The following CDC42EP4 variants were observed in gnomAD, a reference collection of about 807,000 sequenced individuals.
CDC42EP4 encodes the protein CDC42 effector protein (Rho GTPase binding) 4.
CDC42EP4 carries 6 observed loss-of-function variants against 5.6 expected under a neutral mutation model. The observed-to-expected ratio is 1.07, with a 90% CI of 0.59 to 2.12. The LOEUF is 2.12. Ranked by LOEUF, CDC42EP4 falls within the 30% of genes most tolerant of loss-of-function variation. The pLI, the probability that CDC42EP4 is intolerant of heterozygous loss-of-function variation, is 0.00. For synonymous variants in CDC42EP4, 230 were observed against 224.2 expected, an observed-to-expected ratio of 1.03 and a Z score of -0.23; for missense variants, 490 against 508.6, an observed-to-expected ratio of 0.96 and a Z score of 0.35.
intron 1 of CDC42EP4, among the ~76,000 whole-genome samples, chr17:73,291,452 T>C (rs1240966785): frequency 6.6e-6 from 1 of 152,134 alleles, no homozygotes; most frequent in African/African-American, 2.4e-5. Context: ...ACTCTGAGCT[T>C]CTAACAGAGA....
At chr17:73,308,168 C>T (rs1249157506) in intron 1 of CDC42EP4, among the ~76,000 whole-genome samples, 1 of 152,212 alleles carries the variant, frequency 6.6e-6, no homozygotes, top group African/African-American at 2.4e-5. Context: ...GCTTGGCCTT[C>T]CTAGAGCACC....
chr17:73,301,325 C>T (rs1427202151), intron 1 of CDC42EP4, among the ~76,000 whole-genome samples: 1 of 152,056 alleles, frequency 6.6e-6, no homozygotes, highest in African/African-American at 2.4e-5. Context: ...AGACATTTTC[C>T]CCCTTATTAC....
At chr17:73,295,716 A>T (rs955545107) in intron 1 of CDC42EP4, among the ~76,000 whole-genome samples, 5 of 151,964 alleles carry the variant, frequency 3.3e-5, no homozygotes, top group African/African-American at 1.2e-4. Context: ...CAGCCTGGCC[A>T]ACATGGTGAA....
intron 1 of CDC42EP4, among the ~76,000 whole-genome samples, chr17:73,287,240 A>C (rs1369102788): frequency 6.6e-6 from 1 of 152,146 alleles, no homozygotes; most frequent in Non-Finnish European, 1.5e-5. Context: ...GACCCACAGA[A>C]CCAGCTCCCC....
intron 1 of CDC42EP4, among the ~76,000 whole-genome samples, chr17:73,307,760 CTTTTTT>C (rs539543636): frequency 1.9e-5 from 2 of 107,182 alleles, no homozygotes; most frequent in Non-Finnish European, 1.8e-5. Context: ...GAATTTCTCT[CTTTTTT>C]TTTTTTTTTT....
At chr17:73,293,654 G>C (rs1204035562) in intron 1 of CDC42EP4, among the ~76,000 whole-genome samples, 1 of 152,194 alleles carries the variant, frequency 6.6e-6, no homozygotes, top group African/African-American at 2.4e-5. Context: ...TGTGCAAGAG[G>C]CTCACTGGGA....
chr17:73,300,290 C>CA (rs927217163), intron 1 of CDC42EP4, among the ~76,000 whole-genome samples: 8 of 152,288 alleles, frequency 5.3e-5, no homozygotes, highest in African/African-American at 1.9e-4. Flanking sequence ...GTCTTCCCCC[C>CA]ACCACCCCCA....
rs952480962 is a variant in CDC42EP4, at chr17:73,286,351, G to A, written c.150C>T (p.Thr50=). 3 of 1,614,160 alleles carry A rather than the reference G, an allele frequency of 1.9e-6. No individual in the cohort carries two copies. Among genetic ancestry groups the A allele is most frequent in the East Asian group, 2.2e-5 (1 of 44,876 alleles). ...VGRAGDAFGD[T]SFLNSKAGEP... ...CGCCAGCCTTGCTATTGAGGAAGGA[G>A]GTGTCCCCAAAGGCGTCTCCGGCCC... Residue 50 remains threonine (T), a synonymous_variant, in exon 2 of 2, where the codon ACC becomes ACT. Transcript: ENST00000335793. This position sits in a 1 kb window ranked among gnomAD's most constrained non-coding sequence, Gnocchi z 7.7.
chr17:73,306,374 C>T (rs1433444714), intron 1 of CDC42EP4, among the ~76,000 whole-genome samples: 3 of 151,576 alleles, frequency 2.0e-5, no homozygotes, highest in East Asian at 1.9e-4. Flanking sequence ...TGGCGGCACA[C>T]GTCTATAGTC....
rs1489372785 is a variant in CDC42EP4, at chr17:73,293,783, G to A, written c.-112-7171C>T. On this transcript the variant is annotated intron_variant, in intron 1 of 1. Transcript: ENST00000335793. ...AAAGATAGGAAAGCACAGGGAAGGC[G>A]GAAGACTGTGTTTCATTCAAACTGT... Among the ~76,000 whole-genome samples, 5 of 152,208 alleles carry A rather than the reference G, an allele frequency of 3.3e-5. No individual in the cohort carries two copies. The East Asian group carries it at 5.8e-4, about 18-fold the overall frequency.
In CDC42EP4 at chr17:73,285,597, G is replaced by A; in HGVS notation, c.904C>T (p.His302Tyr). 6.2e-7 allele frequency: 1 copy of A among 1,609,662 alleles called. No individual in the cohort carries two copies. The highest frequency in any genetic ancestry group is 8.5e-7 in the Non-Finnish European group (1 of 1,178,112). Residue 302 changes from histidine (H) to tyrosine (Y), a missense_variant, in exon 2 of 2, where the codon CAC becomes TAC. Physicochemically the swap from His to Tyr is moderately conservative, Grantham distance 83. Transcript: ENST00000335793. The surrounding 1 kb of genome is among the most constrained non-coding windows in gnomAD (Gnocchi z 6.8). ...AGGGAGCTGCTGTCCCGTGTGGTGT[G>A]GCTGCCCATGCTGCGGGCTGAGCCG... ...SPGSARSMGS[H>Y]TTRDSSSLSS...
chr17:73,298,794 A>G (rs2145319765), intron 1 of CDC42EP4, among the ~76,000 whole-genome samples: 1 of 152,266 alleles, frequency 6.6e-6, no homozygotes, highest in African/African-American at 2.4e-5. Context: ...GTTCTCATTC[A>G]CTGGGCTCCG....
At chr17:73,307,510 C>G (rs964947069) in intron 1 of CDC42EP4, among the ~76,000 whole-genome samples, 2 of 149,204 alleles carry the variant, frequency 1.3e-5, no homozygotes, top group South Asian at 4.2e-4. Context: ...TGCAGTGGCG[C>G]GATCTCGGCT....
At chr17:73,296,848 A>T (rs377405963) in intron 1 of CDC42EP4, among the ~76,000 whole-genome samples, 4 of 148,260 alleles carry the variant, frequency 2.7e-5, no homozygotes, top group African/African-American at 1.0e-4. Context: ...AGGCGCGGTG[A>T]GGGGGGCCTG....
intron 1 of CDC42EP4, among the ~76,000 whole-genome samples, chr17:73,290,644 G>A (rs1049995891): frequency 1.3e-5 from 2 of 152,222 alleles, no homozygotes; most frequent in Non-Finnish European, 2.9e-5. Context: ...AGCCTTGAGT[G>A]AGAACACACA....
At chr17:73,309,413 C>T (rs1473447789) in intron 1 of CDC42EP4, among the ~76,000 whole-genome samples, 1 of 151,952 alleles carries the variant, frequency 6.6e-6, no homozygotes, top group Non-Finnish European at 1.5e-5. Context: ...ATTCCTCTCC[C>T]AGGTCAACAC....
chr17:73,303,149 G>C (rs1480255162), intron 1 of CDC42EP4, among the ~76,000 whole-genome samples: 2 of 150,074 alleles, frequency 1.3e-5, no homozygotes, highest in East Asian at 3.9e-4. Flanking sequence ...TTCGAGACCA[G>C]CCTGACCAAC....
At chr17:73,293,478 GC>G (rs2062171128) in intron 1 of CDC42EP4, among the ~76,000 whole-genome samples, 1 of 152,222 alleles carries the variant, frequency 6.6e-6, no homozygotes, top group African/African-American at 2.4e-5. Flanking sequence ...TCCAGGGGCA[GC>G]CTCTGGTCCT....
At chr17:73,309,421 C>T (rs528006642) in intron 1 of CDC42EP4, among the ~76,000 whole-genome samples, 1 of 152,174 alleles carries the variant, frequency 6.6e-6, no homozygotes, top group African/African-American at 2.4e-5. Context: ...CCCAGGTCAA[C>T]ACTCACTCCC....
Sources: allele counts gnomAD v4.1 joint callset (sites outside exome capture counted in the v4.1 genomes callset), GRCh38; gene constraint gnomAD v4.1.1; non-coding constraint Gnocchi (gnomAD v3.1); transcripts MANE v1.5; gene names NCBI Gene and HGNC (gene_info 2026-07-23, HGNC 2026-07-21).